The following SMOC2 variants were observed in gnomAD, a reference collection of about 807,000 sequenced individuals.
SMOC2 encodes SPARC-related modular calcium-binding protein 2.
A neutral mutation model predicts 61.4 loss-of-function variants in SMOC2; 39 were observed. The ratio of observed to expected loss-of-function variants is 0.64; its 90% CI spans 0.49 to 0.83. The LOEUF is 0.83. Ranked by LOEUF, SMOC2 falls within the 40% of genes least tolerant of loss-of-function variation. The pLI, the probability that SMOC2 is intolerant of heterozygous loss-of-function variation, is 0.00. For synonymous variants in SMOC2, 247 were observed against 239.9 expected, an observed-to-expected ratio of 1.03 and a Z score of -0.27; for missense variants, 556 against 592.9, an observed-to-expected ratio of 0.94 and a Z score of 0.65.
intron 1 of SMOC2, among the ~76,000 whole-genome samples, chr6:168,455,614 C>T (rs1421739568): frequency 6.6e-6 from 1 of 152,160 alleles, no homozygotes; most frequent in East Asian, 1.9e-4. Flanking sequence ...AAAGGTTACA[C>T]AGATTTTATA....
At chr6:168,586,930 A>C (rs1014231836) in intron 7 of SMOC2, among the ~76,000 whole-genome samples, 1 of 152,226 alleles carries the variant, frequency 6.6e-6, no homozygotes, top group African/African-American at 2.4e-5. Context: ...GTCTTTTGTC[A>C]TTAAATATGA....
intron 1 of SMOC2, among the ~76,000 whole-genome samples, chr6:168,473,089 G>A (rs1468186077): frequency 6.6e-6 from 1 of 152,154 alleles, no homozygotes; most frequent in Non-Finnish European, 1.5e-5. Flanking sequence ...TGAAGAGTAC[G>A]ATTGTAAATT....
chr6:168,486,210 A>G (rs1782329387), intron 1 of SMOC2, among the ~76,000 whole-genome samples: 1 of 152,236 alleles, frequency 6.6e-6, no homozygotes, highest in African/African-American at 2.4e-5. Context: ...TAGATATATA[A>G]TATTGTTCCC....
chr6:168,644,015 C>T (rs79906794), intron 9 of SMOC2, among the ~76,000 whole-genome samples: 5,465 of 152,280 alleles, frequency 0.036, 357 homozygotes, highest in African/African-American at 0.13. Flanking sequence ...GGAAAATCTG[C>T]GCTTGGAATA....
At chr6:168,625,765 A>G (rs1786392364) in intron 9 of SMOC2, among the ~76,000 whole-genome samples, 1 of 152,164 alleles carries the variant, frequency 6.6e-6, no homozygotes, top group Admixed American at 6.5e-5. Context: ...CCACACCCAG[A>G]CCTGCTTCTT....
intron 9 of SMOC2, among the ~76,000 whole-genome samples, chr6:168,610,175 G>A (rs1157351504): frequency 2.6e-5 from 4 of 152,190 alleles, no homozygotes; most frequent in South Asian, 2.1e-4. Context: ...GGATGGGCAC[G>A]TCAGAAACCA....
Position 168,666,506 on chromosome 6 carries a change from A to T in SMOC2, c.*68A>T, listed in dbSNP as rs1006136551. On this transcript the variant is annotated 3_prime_UTR_variant, in exon 13 of 13. Coordinates refer to ENST00000356284, the MANE Select transcript of SMOC2 (RefSeq NM_001166412.2). ...TTCCCTCACCAAAGAGCAATTAAGAAAACAAAAACAGAAACACATAGTATT... is the reference window on the plus strand; with the variant it reads ...TTCCCTCACCAAAGAGCAATTAAGATAACAAAAACAGAAACACATAGTATT... The T allele has an allele frequency of 6.5e-6, 10 of 1,534,978 alleles. No homozygotes were observed. Among genetic ancestry groups the T allele is most frequent in the African/African-American group, 1.4e-5 (1 of 72,902 alleles).
intron 1 of SMOC2, among the ~76,000 whole-genome samples, chr6:168,480,898 C>T (rs868334338): frequency 1.3e-5 from 2 of 152,184 alleles, no homozygotes; most frequent in African/African-American, 4.8e-5. Flanking sequence ...GGCCAGAAAG[C>T]GGTGGGCAGA....
intron 9 of SMOC2, among the ~76,000 whole-genome samples, chr6:168,610,335 G>T (rs1562379941): frequency 6.6e-6 from 1 of 152,194 alleles, no homozygotes; most frequent in Non-Finnish European, 1.5e-5. Flanking sequence ...TTGTGCTGTT[G>T]CCATAGATGT....
intron 7 of SMOC2, among the ~76,000 whole-genome samples, chr6:168,598,287 T>C (rs1181204081): frequency 6.6e-6 from 1 of 152,086 alleles, no homozygotes; most frequent in Non-Finnish European, 1.5e-5. Flanking sequence ...TCCCCCTCGT[T>C]TGGGGGTGGG....
At chr6:168,592,524 C>T (rs1188938293) in intron 7 of SMOC2, among the ~76,000 whole-genome samples, 3 of 91,366 alleles carry the variant, frequency 3.3e-5, no homozygotes, top group African/African-American at 8.0e-5. Flanking sequence ...TGAGGCCTCA[C>T]GGGCATCTTT....
intron 6 of SMOC2, 96 bp downstream of exon 6, chr6:168,547,265 C>A: frequency 9.6e-7 from 1 of 1,038,624 alleles, no homozygotes. Flanking sequence ...GTTAGAGCTC[C>A]GTTCAGTATG....
chr6:168,636,725 GTGACTGCTGCGTGAGAAC>G (rs1456357528), intron 9 of SMOC2, among the ~76,000 whole-genome samples: 1 of 152,232 alleles, frequency 6.6e-6, no homozygotes, highest in Non-Finnish European at 1.5e-5. Context: ...TCACCTTGCT[GTGACTGCTGCGTGAGAAC>G]TGCTTGCTGC....
chr6:168,584,096 G>T (rs890422766), intron 7 of SMOC2, among the ~76,000 whole-genome samples: 26 of 152,222 alleles, frequency 1.7e-4, no homozygotes, highest in African/African-American at 5.8e-4. Flanking sequence ...CCGGCCAATA[G>T]TAACAAGACT....
At chr6:168,619,168 G>A (rs999426708) in intron 9 of SMOC2, among the ~76,000 whole-genome samples, 1 of 152,084 alleles carries the variant, frequency 6.6e-6, no homozygotes, top group African/African-American at 2.4e-5. Flanking sequence ...GTTTCCTTTA[G>A]AGCCAGATTT....
chr6:168,442,702 A>G (rs986394064), intron 1 of SMOC2, among the ~76,000 whole-genome samples: 2 of 152,200 alleles, frequency 1.3e-5, no homozygotes, highest in African/African-American at 4.8e-5. Context: ...TCATGTGGGC[A>G]TCTTTTCTTT....
chr6:168,568,918 T>C (rs1222922125), intron 7 of SMOC2, among the ~76,000 whole-genome samples: 1 of 152,256 alleles, frequency 6.6e-6, no homozygotes, highest in Non-Finnish European at 1.5e-5. Context: ...TTGTATTCCA[T>C]TGTTTGGATG....
At chr6:168,576,480 A>G (rs1019485644) in intron 7 of SMOC2, among the ~76,000 whole-genome samples, 1 of 152,100 alleles carries the variant, frequency 6.6e-6, no homozygotes. Context: ...ACACCTTAGC[A>G]GTCTATAAAA....
At chr6:168,516,492 G>A (rs118023378) in intron 2 of SMOC2, among the ~76,000 whole-genome samples, 82 of 152,174 alleles carry the variant, frequency 5.4e-4, no homozygotes, top group Non-Finnish European at 9.0e-4. Context: ...GCTTCTGAAC[G>A]GGCGAGTCTC....
Sources: allele counts gnomAD v4.1 joint callset (sites outside exome capture counted in the v4.1 genomes callset), GRCh38; gene constraint gnomAD v4.1.1; transcripts MANE v1.5; gene names NCBI Gene and HGNC (gene_info 2026-07-23, HGNC 2026-07-21).